RGL1: variants seen among roughly 807,000 people sequenced by gnomAD.
RGL1 encodes ral guanine nucleotide dissociation stimulator-like 1.
RGL1 carries 24 observed loss-of-function variants against 95.2 expected under a neutral mutation model. That is an observed-to-expected ratio of 0.25 (90% CI 0.18 to 0.35). RGL1 has a LOEUF of 0.35. Among genes scored for constraint, RGL1 ranks in the 10% least tolerant of loss-of-function variants. The probability of loss-of-function intolerance (pLI) is 1.00; values close to 1 mark genes in which losing one functional copy is unlikely to be tolerated. For synonymous variants in RGL1, 329 were observed against 344.9 expected (o/e 0.95, Z 0.51); for missense variants, 715 against 936.3 (o/e 0.76, Z 3.08).
At chr1:183,871,997 A>G (rs1248165508) in intron 4 of RGL1, among the ~76,000 whole-genome samples, 2 of 152,228 alleles carry the variant, frequency 1.3e-5, no homozygotes, top group Admixed American at 6.5e-5. Context: ...AAGGTGTGCC[A>G]CATTTATTTC....
chr1:183,741,691 A>C (rs1370231079), intron 1 of RGL1, among the ~76,000 whole-genome samples: 1 of 152,206 alleles, frequency 6.6e-6, no homozygotes, highest in Non-Finnish European at 1.5e-5. Context: ...CCTCATATAC[A>C]CAAGTGCATA....
chr1:183,752,706 T>TCTC (rs58775038), intron 2 of RGL1, among the ~76,000 whole-genome samples: 2,452 of 110,076 alleles, frequency 0.022, 185 homozygotes, highest in African/African-American at 0.031. Context: ...CTCTCTCTCT[T>TCTC]TCCCCTTTCC....
chr1:183,866,969 G>A (rs984125476), intron 4 of RGL1, among the ~76,000 whole-genome samples: 1 of 152,174 alleles, frequency 6.6e-6, no homozygotes. Context: ...GGCTGTGTGA[G>A]AGAACAAGAG....
intron 1 of RGL1, among the ~76,000 whole-genome samples, chr1:183,697,699 T>G (rs1309675608): frequency 6.6e-6 from 1 of 152,256 alleles, no homozygotes; most frequent in Non-Finnish European, 1.5e-5. Context: ...TGGTTTTGTA[T>G]GCTGAGGCCA....
chr1:183,639,235 C>T (rs1182886260), intron 1 of RGL1, among the ~76,000 whole-genome samples: 2 of 148,186 alleles, frequency 1.3e-5, no homozygotes, highest in African/African-American at 5.0e-5. Context: ...GAGCTGAGAT[C>T]GTGCCATTGC....
intron 16 of RGL1, among the ~76,000 whole-genome samples, chr1:183,917,179 T>A (rs1490497554): frequency 1.3e-5 from 2 of 152,210 alleles, no homozygotes; most frequent in Non-Finnish European, 2.9e-5. Context: ...GGATCAAACC[T>A]AGTTAATAAA....
chr1:183,660,959 T>C (rs1651574320), intron 1 of RGL1, among the ~76,000 whole-genome samples: 1 of 152,072 alleles, frequency 6.6e-6, no homozygotes, highest in African/African-American at 2.4e-5. Context: ...GAATGACTAC[T>C]GGGTACGTAA....
intron 1 of RGL1, among the ~76,000 whole-genome samples, chr1:183,672,542 A>G (rs1652539008): frequency 6.6e-6 from 1 of 152,036 alleles, no homozygotes; most frequent in African/African-American, 2.4e-5. Flanking sequence ...ATTCTAGTTA[A>G]TTTCTCCGGA....
intron 1 of RGL1, among the ~76,000 whole-genome samples, chr1:183,691,578 C>A (rs569210306): frequency 6.6e-6 from 1 of 151,940 alleles, no homozygotes; most frequent in African/African-American, 2.4e-5. Flanking sequence ...TTTATGCAAA[C>A]GAATAATACA....
At chr1:183,913,359 A>G (rs546293433) in intron 15 of RGL1, among the ~76,000 whole-genome samples, 1 of 151,652 alleles carries the variant, frequency 6.6e-6, no homozygotes, top group East Asian at 1.9e-4. Context: ...CCATGCCCGC[A>G]TAATTTTTGT....
chr1:183,814,547 C>T (rs1027539641), intron 2 of RGL1, among the ~76,000 whole-genome samples: 1 of 152,112 alleles, frequency 6.6e-6, no homozygotes, highest in South Asian at 2.1e-4. Flanking sequence ...TGTAAACTCC[C>T]CCAGAAGTTT....
chr1:183,698,898 C>T (rs6704283), intron 1 of RGL1, among the ~76,000 whole-genome samples: 99,351 of 151,876 alleles, frequency 0.65, 32,700 homozygotes, highest in East Asian at 0.79. Context: ...TTAAATATCT[C>T]CCTCTGTTTT....
At chr1:183,689,124 A>G (rs1345917799) in intron 1 of RGL1, among the ~76,000 whole-genome samples, 2 of 152,196 alleles carry the variant, frequency 1.3e-5, no homozygotes, top group Admixed American at 1.3e-4. Context: ...AGCCACGTGT[A>G]TTTCTTTCCA....
chr1:183,693,580 C>A (rs1214596672), intron 1 of RGL1, among the ~76,000 whole-genome samples: 2 of 142,216 alleles, frequency 1.4e-5, no homozygotes, highest in Non-Finnish European at 3.1e-5. Context: ...TTCTAGATTA[C>A]TTTTTTTTTT....
chr1:183,700,375 C>T (rs2102139953), intron 1 of RGL1, among the ~76,000 whole-genome samples: 1 of 151,370 alleles, frequency 6.6e-6, no homozygotes, highest in East Asian at 1.9e-4. Flanking sequence ...TATGGGATCT[C>T]ACATGACGTC....
chr1:183,664,277 A>T (rs1261736629), intron 1 of RGL1, among the ~76,000 whole-genome samples: 2 of 152,112 alleles, frequency 1.3e-5, no homozygotes, highest in Non-Finnish European at 2.9e-5. Context: ...ATAGATTATG[A>T]TTGGTGTAAA....
At chr1:183,705,392 A>C (rs998695452) in intron 1 of RGL1, among the ~76,000 whole-genome samples, 11 of 152,046 alleles carry the variant, frequency 7.2e-5, no homozygotes, top group Admixed American at 6.5e-4. Flanking sequence ...TAAAAGAGAG[A>C]TGGTATGGAC....
At chr1:183,745,854 C>G (rs936540631) in intron 2 of RGL1, among the ~76,000 whole-genome samples, 1 of 152,096 alleles carries the variant, frequency 6.6e-6, no homozygotes, top group Non-Finnish European at 1.5e-5. Flanking sequence ...AATTTGTTGA[C>G]TGATTTGGAG....
At chr1:183,789,268 A>T (rs1021714619) in intron 2 of RGL1, among the ~76,000 whole-genome samples, 2 of 152,020 alleles carry the variant, frequency 1.3e-5, no homozygotes, top group Admixed American at 1.3e-4. Context: ...ACATAGTGAA[A>T]TCCTGTCTCT....
Sources: allele counts gnomAD v4.1 joint callset (sites outside exome capture counted in the v4.1 genomes callset), GRCh38; gene constraint gnomAD v4.1.1; transcripts MANE v1.5; gene names NCBI Gene and HGNC (gene_info 2026-07-23, HGNC 2026-07-21).